The following HMGCLL1 variants were observed in gnomAD, a reference collection of about 807,000 sequenced individuals.
The protein encoded by HMGCLL1 is 3-hydroxy-3-methylglutaryl-CoA lyase like 1, also known as 3-hydroxymethyl-3-methylglutaryl-CoA lyase, cytoplasmic.
A neutral mutation model predicts 39.1 loss-of-function variants in HMGCLL1; 36 were observed. That is an observed-to-expected ratio of 0.92 (90% CI 0.71 to 1.22). The LOEUF (loss-of-function observed/expected upper bound fraction) is 1.22, where lower values mean the gene tolerates loss of function less well. Among genes scored for constraint, HMGCLL1 ranks in the 50% most tolerant of loss-of-function variants. The pLI is 0.00. For synonymous variants in HMGCLL1, 149 were observed against 144.0 expected (o/e 1.03, Z -0.25); for missense variants, 451 against 416.5 (o/e 1.08, Z -0.72).
chr6:55,445,961 A>T (rs1179714531), intron 7 of HMGCLL1, among the ~76,000 whole-genome samples: 2 of 151,994 alleles, frequency 1.3e-5, no homozygotes, highest in Admixed American at 1.3e-4. Flanking sequence ...TAAAATAAGG[A>T]CACTCTTACT....
At chr6:55,663,754 T>C in the HMGCLL1 span, among the ~76,000 whole-genome samples, 1 of 151,822 alleles carries the variant, frequency 6.6e-6, no homozygotes, top group African/African-American at 2.4e-5. Context: ...CAGTGAGATC[T>C]ACTACTGTCA....
the HMGCLL1 span, among the ~76,000 whole-genome samples, chr6:55,648,039 G>A: frequency 3.2e-4 from 41 of 127,302 alleles, no homozygotes; most frequent in African/African-American, 1.2e-3. Context: ...TTGTTCTTGC[G>A]ATAGTTTACT....
chr6:55,543,321 T>G (rs1219154334), intron 1 of HMGCLL1, among the ~76,000 whole-genome samples: 1 of 27,034 alleles, frequency 3.7e-5, no homozygotes, highest in African/African-American at 1.4e-4. Context: ...TAATATATAA[T>G]ATATATTATA....
At chr6:55,492,148 A>G (rs1269974427) in intron 7 of HMGCLL1, among the ~76,000 whole-genome samples, 1 of 152,182 alleles carries the variant, frequency 6.6e-6, no homozygotes, top group Non-Finnish European at 1.5e-5. Context: ...AAATTAAAGC[A>G]AATGATATCT....
chr6:55,626,580 C>T, the HMGCLL1 span, among the ~76,000 whole-genome samples: 51,222 of 151,702 alleles, frequency 0.34, 8,971 homozygotes, highest in African/African-American at 0.42. Flanking sequence ...AGACAGGATT[C>T]ATGGGTCCGG....
intron 3 of HMGCLL1, among the ~76,000 whole-genome samples, chr6:55,523,572 A>G (rs542101355): frequency 2.0e-5 from 3 of 152,030 alleles, no homozygotes; most frequent in East Asian, 3.9e-4. Context: ...GACTCTGCCA[A>G]TTGGGAGAGC....
At chr6:55,487,395 T>C (rs141483918) in intron 7 of HMGCLL1, among the ~76,000 whole-genome samples, 1,528 of 152,098 alleles carry the variant, frequency 0.01, 22 homozygotes, top group African/African-American at 0.035. Context: ...TTGCTGCACC[T>C]ATCAACCCGT....
chr6:55,481,137 T>C (rs753384477), intron 7 of HMGCLL1, among the ~76,000 whole-genome samples: 10 of 152,048 alleles, frequency 6.6e-5, no homozygotes, highest in Non-Finnish European at 1.2e-4. Flanking sequence ...TCTCAACAAT[T>C]TGGAGGGCTA....
At chr6:55,586,173 G>A in the HMGCLL1 span, among the ~76,000 whole-genome samples, 13 of 152,058 alleles carry the variant, frequency 8.5e-5, no homozygotes, top group Non-Finnish European at 1.2e-4. Flanking sequence ...CCAGTATGTT[G>A]ATAAGTGCCA....
the HMGCLL1 span, among the ~76,000 whole-genome samples, chr6:55,653,157 C>T: frequency 3.0e-4 from 46 of 152,064 alleles, no homozygotes; most frequent in African/African-American, 1.1e-3. Context: ...AAACAAAAAA[C>T]CGGCTTTCCA....
the HMGCLL1 span, among the ~76,000 whole-genome samples, chr6:55,673,497 G>T: frequency 6.6e-6 from 1 of 152,068 alleles, no homozygotes; most frequent in South Asian, 2.1e-4. Flanking sequence ...AACAAGTTGG[G>T]AATAAAGTTT....
Position 55,572,567 on chromosome 6 carries a change from C to T in HMGCLL1, c.108+6381G>A, listed in dbSNP as rs150672023. ...ATTTGGAATAGTCATTTTTTCCATA[C>T]AATATTTTTCATGAGGCAGATAATC... On this transcript the variant is annotated intron_variant, in intron 1 of 8. Coordinates refer to ENST00000274901, the MANE Select transcript of HMGCLL1 (RefSeq NM_001042406.2). 2.2e-3 allele frequency among the ~76,000 whole-genome samples: 331 copies of T among 152,076 alleles called. 1 individual carries two copies. The highest frequency in any genetic ancestry group is 4.0e-3 in the Non-Finnish European group (273 of 67,964).
chr6:55,450,637 G>A (rs1271552718), intron 7 of HMGCLL1, among the ~76,000 whole-genome samples: 4 of 152,164 alleles, frequency 2.6e-5, no homozygotes, highest in South Asian at 2.1e-4. Context: ...AAGAAGTTGA[G>A]GGGGGTATGT....
At chr6:55,541,687 A>ATATTTG (rs761832282) in intron 3 of HMGCLL1, 42 bp downstream of exon 3, 10 of 962,532 alleles carry the variant, frequency 1.0e-5, no homozygotes, top group Non-Finnish European at 1.6e-5. Context: ...TTTTTGGTGA[A>ATATTTG]GTTGAATTAG....
chr6:55,491,038 G>T (rs1006776731), intron 7 of HMGCLL1, among the ~76,000 whole-genome samples: 8 of 152,052 alleles, frequency 5.3e-5, no homozygotes, highest in African/African-American at 1.7e-4. Flanking sequence ...CCAACCACAT[G>T]TATTGTTATC....
chr6:55,602,697 G>A, the HMGCLL1 span, among the ~76,000 whole-genome samples: 1 of 151,840 alleles, frequency 6.6e-6, no homozygotes, highest in Non-Finnish European at 1.5e-5. Flanking sequence ...AATTGACCAA[G>A]CAGATACTTA....
At chr6:55,488,799 G>A (rs547168804) in intron 7 of HMGCLL1, among the ~76,000 whole-genome samples, 3 of 152,144 alleles carry the variant, frequency 2.0e-5, no homozygotes, top group South Asian at 2.1e-4. Flanking sequence ...TTATAAGAAT[G>A]AGCCACTGTG....
chr6:55,656,696 T>G, the HMGCLL1 span, among the ~76,000 whole-genome samples: 1 of 152,024 alleles, frequency 6.6e-6, no homozygotes, highest in African/African-American at 2.4e-5. Context: ...TAAACTATTG[T>G]TGTGTTAAAC....
the HMGCLL1 span, among the ~76,000 whole-genome samples, chr6:55,625,101 C>T: frequency 6.6e-6 from 1 of 152,048 alleles, no homozygotes; most frequent in African/African-American, 2.4e-5. Flanking sequence ...GCCGTGGAGG[C>T]CTCTAGGATT....
Sources: gnomAD v4.1 joint callset for allele counts (sites outside exome capture counted in the v4.1 genomes callset) on GRCh38, gnomAD v4.1.1 for gene constraint, MANE v1.5 for transcripts, NCBI Gene and HGNC (gene_info 2026-07-23, HGNC 2026-07-21) for gene names.